AFF2: variants seen among roughly 807,000 people sequenced by gnomAD.
AFF2 encodes the protein AF4/FMR2 family member 2.
In AFF2, 14 loss-of-function variants were observed where a neutral mutation model predicts 76.9. The ratio of observed to expected loss-of-function variants is 0.18; its 90% CI spans 0.12 to 0.28. The LOEUF (loss-of-function observed/expected upper bound fraction) is 0.28, where lower values mean the gene tolerates loss of function less well. Ranked by LOEUF, AFF2 falls within the 10% of genes least tolerant of loss-of-function variation. The probability of loss-of-function intolerance (pLI) is 1.00; values close to 1 mark genes in which losing one functional copy is unlikely to be tolerated. For synonymous variants in AFF2, 398 were observed against 366.7 expected (o/e 1.09, Z -0.98); for missense variants, 868 against 1,001.1 (o/e 0.87, Z 1.79).
chrX:148,624,869 A>G (rs1006008473), intron 1 of AFF2, among the ~76,000 whole-genome samples: 1 of 111,958 alleles, frequency 8.9e-6, no homozygotes, highest in Admixed American at 9.5e-5. Flanking sequence ...CTAAGAATGG[A>G]GTTATAACAA....
chrX:148,737,172 T>A (rs782265028), intron 3 of AFF2, among the ~76,000 whole-genome samples: 5 of 111,589 alleles, frequency 4.5e-5, no homozygotes, highest in South Asian at 3.8e-4. Flanking sequence ...GGTATTTTAA[T>A]GGAGATTGTG....
chrX:148,838,484 G>T (rs73607917), intron 5 of AFF2, among the ~76,000 whole-genome samples: 3,891 of 111,725 alleles, frequency 0.035, 152 homozygotes, highest in African/African-American at 0.11. Flanking sequence ...AAGACTCAGA[G>T]TCGTATCTAA....
chrX:148,801,028 T>C, intron 3 of AFF2, among the ~76,000 whole-genome samples: 1 of 111,918 alleles, frequency 8.9e-6, no homozygotes, highest in Middle Eastern at 4.6e-3. Flanking sequence ...TCCTCAAGCC[T>C]TGGGGCTTAA....
intron 3 of AFF2, among the ~76,000 whole-genome samples, chrX:148,679,669 A>G (rs2054526285): frequency 8.9e-6 from 1 of 111,751 alleles, no homozygotes; most frequent in African/African-American, 3.3e-5. Flanking sequence ...TGACAGAATT[A>G]CTTCCCAGAT....
chrX:148,707,106 T>C (rs944157096), intron 3 of AFF2, among the ~76,000 whole-genome samples: 4 of 112,084 alleles, frequency 3.6e-5, no homozygotes, highest in African/African-American at 9.7e-5. Context: ...TTTAGTTTCA[T>C]AACAATAGCT....
At chrX:148,924,984 C>G (rs1373191022) in intron 9 of AFF2, among the ~76,000 whole-genome samples, 2 of 112,440 alleles carry the variant, frequency 1.8e-5, no homozygotes, top group African/African-American at 6.5e-5. Flanking sequence ...ACCATTCCAT[C>G]AAACAGTAAT....
chrX:148,752,080 C>T (rs782570828), intron 3 of AFF2, among the ~76,000 whole-genome samples: 2 of 111,066 alleles, frequency 1.8e-5, no homozygotes, highest in East Asian at 5.7e-4. Flanking sequence ...AAGGAGGAGC[C>T]CTCATGACCT....
At chrX:148,501,245 GC>G in intron 1 of AFF2, 101 bp downstream of exon 1, 2 of 1,040,714 alleles carry the variant, frequency 1.9e-6, no homozygotes, top group Non-Finnish European at 1.3e-6. Context: ...CGTGGGGGGC[GC>G]CCCGGACTCC....
intron 7 of AFF2, among the ~76,000 whole-genome samples, chrX:148,845,675 G>A (rs2070658322): frequency 8.9e-6 from 1 of 112,150 alleles, no homozygotes; most frequent in Non-Finnish European, 1.9e-5. Flanking sequence ...TTTAACTACA[G>A]TGTGCTTTTT....
At chrX:148,881,991 C>G (rs1358537607) in intron 7 of AFF2, among the ~76,000 whole-genome samples, 1 of 111,371 alleles carries the variant, frequency 9.0e-6, no homozygotes, top group Non-Finnish European at 1.9e-5. Flanking sequence ...GTCTGTTTGG[C>G]TCTCGAGACC....
chrX:148,516,535 A>G (rs986331726), intron 1 of AFF2, among the ~76,000 whole-genome samples: 1 of 111,985 alleles, frequency 8.9e-6, no homozygotes, highest in Admixed American at 9.5e-5. Flanking sequence ...TTGGCAGATG[A>G]CAATGGCCCT....
chrX:148,651,629 A>G (rs2054202803), intron 1 of AFF2, among the ~76,000 whole-genome samples: 1 of 111,629 alleles, frequency 9.0e-6, no homozygotes, highest in Non-Finnish European at 1.9e-5. Flanking sequence ...GTGGATTCTG[A>G]GCCCTAGGTA....
At chrX:148,965,901 T>C (rs2124383419) in intron 13 of AFF2, among the ~76,000 whole-genome samples, 1 of 111,519 alleles carries the variant, frequency 9.0e-6, no homozygotes, top group South Asian at 3.9e-4. Flanking sequence ...GGAGGCACCA[T>C]GGGAAGTATG....
intron 3 of AFF2, among the ~76,000 whole-genome samples, chrX:148,769,664 G>A (rs781793822): frequency 1.4e-3 from 151 of 110,689 alleles, no homozygotes; most frequent in African/African-American, 4.3e-3. Context: ...CAGAACAGAC[G>A]TTCTGAATGT....
At chrX:148,780,738 C>T (rs900594385) in intron 3 of AFF2, among the ~76,000 whole-genome samples, 2 of 111,767 alleles carry the variant, frequency 1.8e-5, no homozygotes, top group African/African-American at 3.3e-5. Context: ...CAGCTTCTGA[C>T]GCCTACTTCT....
At chrX:148,609,690 A>G (rs2053707646) in intron 1 of AFF2, among the ~76,000 whole-genome samples, 1 of 111,685 alleles carries the variant, frequency 9.0e-6, no homozygotes, top group Non-Finnish European at 1.9e-5. Flanking sequence ...CCAACTCAGT[A>G]TGTGCGTTAT....
intron 3 of AFF2, among the ~76,000 whole-genome samples, chrX:148,793,024 A>G (rs2069919301): frequency 8.9e-6 from 1 of 111,749 alleles, no homozygotes; most frequent in African/African-American, 3.3e-5. Context: ...CATAACTTAC[A>G]AAATAGGTTT....
rs1557294055 is a variant in AFF2, at chrX:149,000,220, TGCA to T, written c.*8890_*8892del. On this transcript the variant is annotated 3_prime_UTR_variant, in exon 21 of 21. Transcript: ENST00000370460. ...GTCTTCTGAACCACCTTTTCTTGGG[TGCA>T]GATTTCCAACATTCATGCTCATTGC... 1 of 112,501 alleles carries T rather than the reference TGCA, an allele frequency of 8.9e-6. No individual in the cohort carries two copies. The allele number at this position is 112,501 out of a possible 1,213,427, so 9.3% of individuals were successfully genotyped here.
At chrX:148,578,126 A>G (rs953291346) in intron 1 of AFF2, among the ~76,000 whole-genome samples, 1 of 111,716 alleles carries the variant, frequency 9.0e-6, no homozygotes, top group Non-Finnish European at 1.9e-5. Flanking sequence ...TTCCAATTGG[A>G]GGTGTCTTTT....
Sources: allele counts gnomAD v4.1 joint callset (sites outside exome capture counted in the v4.1 genomes callset), GRCh38; gene constraint gnomAD v4.1.1; transcripts MANE v1.5; gene names NCBI Gene and HGNC (gene_info 2026-07-23, HGNC 2026-07-21).